PCDH11X: variants seen among roughly 807,000 people sequenced by gnomAD.
The protein encoded by PCDH11X is protocadherin 11 X-linked, also known as protocadherin-11 X-linked.
In PCDH11X, 18 loss-of-function variants were observed where a neutral mutation model predicts 53.3. The observed-to-expected ratio is 0.34, with a 90% confidence interval of 0.23 to 0.50. The LOEUF (loss-of-function observed/expected upper bound fraction) is 0.50, where lower values mean the gene tolerates loss of function less well. PCDH11X is among the 20% of genes least tolerant of loss of function. The probability of loss-of-function intolerance (pLI) is 0.98; values close to 1 mark genes in which losing one functional copy is unlikely to be tolerated. For synonymous variants in PCDH11X, 279 were observed against 393.3 expected (o/e 0.71, Z 3.44); for missense variants, 570 against 1,032.4 (o/e 0.55, Z 6.14).
chrX:92,609,107 G>T (rs1453653171), intron 10 of PCDH11X, among the ~76,000 whole-genome samples: 3 of 111,574 alleles, frequency 2.7e-5, no homozygotes, highest in African/African-American at 9.8e-5. Flanking sequence ...TAGTATTTCA[G>T]TGTATGGCTA....
At chrX:92,189,569 G>A (rs1238928341) in intron 6 of PCDH11X, among the ~76,000 whole-genome samples, 2 of 111,019 alleles carry the variant, frequency 1.8e-5, no homozygotes, top group African/African-American at 6.6e-5. Flanking sequence ...TATTCTTTTG[G>A]GTATATACCC....
At chrX:91,901,356 T>C (rs1458236230) in intron 6 of PCDH11X, among the ~76,000 whole-genome samples, 9 of 110,293 alleles carry the variant, frequency 8.2e-5, no homozygotes, top group African/African-American at 2.3e-4. Context: ...AGGTAATTGG[T>C]AAGTGGCCTG....
chrX:92,198,909 C>T (rs2066343948), intron 6 of PCDH11X, among the ~76,000 whole-genome samples: 3 of 111,384 alleles, frequency 2.7e-5, no homozygotes, highest in Non-Finnish European at 3.8e-5. Context: ...ATCAATGCTT[C>T]TTATGATCTA....
chrX:92,496,737 A>G (rs1408450927), intron 10 of PCDH11X, among the ~76,000 whole-genome samples: 10 of 108,672 alleles, frequency 9.2e-5, no homozygotes, highest in African/African-American at 3.2e-4. Context: ...ATCTTTCACT[A>G]TGAGTCCCTA....
chrX:92,373,966 G>A (rs1482825335), intron 8 of PCDH11X, among the ~76,000 whole-genome samples: 3 of 110,325 alleles, frequency 2.7e-5, no homozygotes, highest in Admixed American at 1.9e-4. Context: ...ATTTTGCACC[G>A]CAACTCCTGT....
intron 1 of PCDH11X, among the ~76,000 whole-genome samples, chrX:91,784,388 A>G (rs1259732803): frequency 8.9e-6 from 1 of 112,324 alleles, no homozygotes; most frequent in African/African-American, 3.2e-5. Context: ...ACTTTGGGGA[A>G]TAAAATTTCT....
At chrX:91,837,314 G>A (rs1937338335) in intron 5 of PCDH11X, among the ~76,000 whole-genome samples, 2 of 111,736 alleles carry the variant, frequency 1.8e-5, no homozygotes, top group South Asian at 7.3e-4. Context: ...TGGAAAGAAG[G>A]GAACTCTTGA....
chrX:92,348,508 TATC>T (rs1285255168), intron 8 of PCDH11X, among the ~76,000 whole-genome samples: 4 of 58,796 alleles, frequency 6.8e-5, no homozygotes, highest in Non-Finnish European at 1.2e-4. Flanking sequence ...ACATCAAAAT[TATC>T]ATTATTATTA....
chrX:92,009,361 A>G (rs2147976667), intron 6 of PCDH11X, among the ~76,000 whole-genome samples: 1 of 111,722 alleles, frequency 9.0e-6, no homozygotes, highest in Admixed American at 9.6e-5. Flanking sequence ...AAGATAGTCT[A>G]TCCTAAAGCT....
At position 92,256,046 on chromosome X, in the gene PCDH11X, T is replaced by C. The variant is rs778928050; in HGVS notation, c.3115-7068T>C. Among the ~76,000 whole-genome samples the C allele has an allele frequency of 1.4e-3, 154 of 112,317 alleles. 2 individuals carry two copies. Among genetic ancestry groups the C allele is most frequent in the African/African-American group, 4.7e-3 (146 of 30,903 alleles). ...CCCTCCCCCAGCCTCGCTGCCGCCT[T>C]GCAGTTTGATCTCAGACTGCTGTGC... On this transcript the variant is annotated intron_variant, in intron 7 of 10. Coordinates refer to ENST00000682573, the MANE Select transcript of PCDH11X (RefSeq NM_032968.5).
At chrX:92,499,042 G>A (rs1256499541) in intron 10 of PCDH11X, among the ~76,000 whole-genome samples, 10 of 92,022 alleles carry the variant, frequency 1.1e-4, no homozygotes, top group Non-Finnish European at 6.5e-5. Context: ...AAAGAAATCC[G>A]CAGACAGTTT....
intron 7 of PCDH11X, among the ~76,000 whole-genome samples, chrX:92,206,303 A>C (rs774491341): frequency 8.9e-6 from 1 of 111,838 alleles, no homozygotes; most frequent in South Asian, 3.7e-4. Context: ...TTCTTATGAA[A>C]TATCTTATTT....
In PCDH11X at chrX:92,326,639, TAGAGAG is replaced by T. The variant is rs1556365466; in HGVS notation, c.3145-61076_3145-61071del. 2.4e-3 allele frequency among the ~76,000 whole-genome samples: 93 copies of T among 39,277 alleles called. 9 individuals carry two copies. Among genetic ancestry groups the T allele is most frequent in the South Asian group, 4.7e-3 (2 of 427 alleles). The allele number at this position is 39,277 out of a possible 115,157, so 34.1% of individuals were successfully genotyped here. On this transcript the variant is annotated intron_variant, in intron 8 of 10. Coordinates refer to ENST00000682573, the MANE Select transcript of PCDH11X (RefSeq NM_032968.5). ...TTAATAAACTATATATATATATATA[TAGAGAG>T]AGAGAGAGAGAGAGAGAGAAAGAGA... is the stretch of plus-strand genomic sequence containing the variant.
chrX:92,015,551 A>C (rs1257967190), intron 6 of PCDH11X, among the ~76,000 whole-genome samples: 2 of 112,527 alleles, frequency 1.8e-5, no homozygotes, highest in Non-Finnish European at 3.7e-5. Flanking sequence ...AACAATGTTC[A>C]CCGCATCTTC....
chrX:92,430,379 A>C (rs2072224844), intron 9 of PCDH11X, among the ~76,000 whole-genome samples: 1 of 91,403 alleles, frequency 1.1e-5, no homozygotes, highest in African/African-American at 3.8e-5. Flanking sequence ...TCCAATTTCA[A>C]TTGAGCAGTT....
In PCDH11X at chrX:92,186,623, C is replaced by T. The variant is rs866641763; in HGVS notation, c.3034-14752C>T. 2.2e-3 allele frequency among the ~76,000 whole-genome samples: 99 copies of T among 45,915 alleles called. 2 individuals are homozygous for T. The highest frequency in any genetic ancestry group is 7.4e-3 in the African/African-American group (93 of 12,500). 39.9% of individuals were successfully genotyped at this position (45,915 alleles called of 115,157 possible). ...AGCCTGGGCAACAAGAGCGAAACTC[C>T]GTCTCAAAAAAAAAAAAAAAAAAAG... On this transcript the variant is annotated intron_variant, in intron 6 of 10. Transcript: ENST00000682573.
chrX:92,070,368 C>T (rs184628280), intron 6 of PCDH11X, among the ~76,000 whole-genome samples: 9 of 111,362 alleles, frequency 8.1e-5, no homozygotes, highest in African/African-American at 2.9e-4. Context: ...TGAAATCCCT[C>T]AGGTTTTGGT....
intron 9 of PCDH11X, among the ~76,000 whole-genome samples, chrX:92,430,080 C>T (rs2072217047): frequency 9.7e-6 from 1 of 103,368 alleles, no homozygotes; most frequent in Non-Finnish European, 2.0e-5. Context: ...AGGATTTCAC[C>T]CACTGTGAAA....
intron 8 of PCDH11X, among the ~76,000 whole-genome samples, chrX:92,352,206 C>CA (rs1390305619): frequency 1.8e-5 from 2 of 111,209 alleles, no homozygotes; most frequent in Admixed American, 9.6e-5. Flanking sequence ...TGTATTCCTA[C>CA]AAAAAAACAT....
Sources: gnomAD v4.1 joint callset for allele counts (sites outside exome capture counted in the v4.1 genomes callset) on GRCh38, gnomAD v4.1.1 for gene constraint, MANE v1.5 for transcripts, NCBI Gene and HGNC (gene_info 2026-07-23, HGNC 2026-07-21) for gene names.